IPO11: variants seen among roughly 807,000 people sequenced by gnomAD.
The protein encoded by IPO11 is importin 11.
IPO11 carries 66 observed loss-of-function variants against 143.2 expected under a neutral mutation model. The ratio of observed to expected loss-of-function variants is 0.46; its 90% CI spans 0.38 to 0.57. The LOEUF (loss-of-function observed/expected upper bound fraction) is 0.57, where lower values mean the gene tolerates loss of function less well. Ranked by LOEUF, IPO11 falls within the 20% of genes least tolerant of loss-of-function variation. The probability of loss-of-function intolerance (pLI) is 0.00; values close to 1 mark genes in which losing one functional copy is unlikely to be tolerated. For missense variants in IPO11, 1,026 were observed against 1,141.0 expected (o/e 0.90, Z 1.45); for synonymous variants, 385 against 377.8 (o/e 1.02, Z -0.22).
intron 19 of IPO11, among the ~76,000 whole-genome samples, chr5:62,514,709 C>T (rs1741944188): frequency 6.6e-6 from 1 of 152,198 alleles, no homozygotes; most frequent in Admixed American, 6.5e-5. Flanking sequence ...ATAGCAATCT[C>T]AAATACTGGA....
intron 29 of IPO11, among the ~76,000 whole-genome samples, chr5:62,621,798 A>G (rs1746387235): frequency 6.6e-6 from 1 of 152,218 alleles, no homozygotes; most frequent in South Asian, 2.1e-4. Flanking sequence ...TGATTTGAGG[A>G]ATCCTTTGGA....
At chr5:62,501,492 C>A (rs558234774) in intron 16 of IPO11, among the ~76,000 whole-genome samples, 1 of 152,222 alleles carries the variant, frequency 6.6e-6, no homozygotes, top group East Asian at 1.9e-4. Context: ...ATTAATTATA[C>A]ATGAAAATGA....
At chr5:62,426,893 T>TAAA in intron 1 of IPO11, among the ~76,000 whole-genome samples, 1 of 149,354 alleles carries the variant, frequency 6.7e-6, no homozygotes, top group East Asian at 1.9e-4. Flanking sequence ...TAGGCAGGTT[T>TAAA]AAACTTGTAG....
intron 1 of IPO11, among the ~76,000 whole-genome samples, chr5:62,434,885 C>T (rs1028753942): frequency 1.5e-4 from 22 of 151,030 alleles, no homozygotes; most frequent in South Asian, 2.1e-4. Flanking sequence ...ATTAGCTGGG[C>T]GTGGTGGCTC....
At chr5:62,464,143 G>GTTTTTTTTT (rs34056674) in intron 5 of IPO11, among the ~76,000 whole-genome samples, 13 of 78,680 alleles carry the variant, frequency 1.7e-4, no homozygotes, top group African/African-American at 6.3e-4. Context: ...GTTTTTGGTG[G>GTTTTTTTTT]TTTTTTTTTT....
At chr5:62,424,103 C>T (rs1743616174) in intron 1 of IPO11, among the ~76,000 whole-genome samples, 1 of 151,078 alleles carries the variant, frequency 6.6e-6, no homozygotes, top group African/African-American at 2.4e-5. Context: ...ACTGCAGCCT[C>T]AACCTCCTGG....
At position 62,515,515 on chromosome 5, in the gene IPO11, C is replaced by A. The variant is rs377524399; in HGVS notation, c.1896+14C>A. On this transcript the variant is annotated intron_variant, in intron 20 of 29. Transcript: ENST00000325324. ...CATCTTGTTCAGGTAAGTCACTTCT[C>A]CACAGAGTTTTTTTAGTTTAGTGGT... The A allele has an allele frequency of 2.0e-6, 3 of 1,527,466 alleles. No individual in the cohort carries two copies. The African/African-American group carries it at 4.2e-5, about 21-fold the overall frequency. The allele number at this position is 1,527,466 out of a possible 1,614,324, so 94.6% of individuals were successfully genotyped here.
Position 62,515,481 on chromosome 5 carries a change from A to T in IPO11, c.1876A>T (p.Thr626Ser), listed in dbSNP as rs763905125. The part of the protein sequence containing the change: ...HNMLRCAILT[T>S]LIHLVQGLGA... ...TATGTTGAGATGTGCTATTTTGACA[A>T]CACTTATTCATCTTGTTCAGGTAAG... The change falls in exon 20 of 30, where the codon ACA becomes TCA. Residue 626 changes from threonine (T) to serine (S), a missense_variant. Thr to Ser is a moderately conservative substitution (Grantham distance 58). Transcript: ENST00000325324. The T allele has an allele frequency of 6.2e-7, 1 of 1,604,088 alleles. No individual in the cohort carries two copies. The highest frequency in any genetic ancestry group is 1.1e-5 in the South Asian group (1 of 88,632).
Position 62,435,154 on chromosome 5 carries a change from A to ATATATATGTATATATATG in IPO11, c.-6-2094_-6-2077dup, listed in dbSNP as rs1415875923. The stretch of plus-strand genomic sequence containing the variant: ...TATATATGTATATATGTATATATGT[A>ATATATATGTATATATATG]TATATATGTATATATATGTATATAT... On this transcript the variant is annotated intron_variant, in intron 1 of 29. Coordinates refer to ENST00000325324, the MANE Select transcript of IPO11 (RefSeq NM_016338.5). Among the ~76,000 whole-genome samples the ATATATATGTATATATATG allele has an allele frequency of 1.4e-4, 9 of 62,706 alleles. 1 individual carries two copies. The highest frequency in any genetic ancestry group is 1.4e-3 in the South Asian group (3 of 2,184). The allele number at this position is 62,706 out of a possible 152,430, so 41.1% of individuals were successfully genotyped here.
At chr5:62,526,408 G>A (rs1046151709) in intron 21 of IPO11, 151 bp downstream of exon 21, 9 of 569,366 alleles carry the variant, frequency 1.6e-5, no homozygotes, top group Non-Finnish European at 2.5e-5. Context: ...TCCTTTTTTT[G>A]GCAGCTGTCA....
At position 62,610,470 on chromosome 5, in the gene IPO11, G is replaced by T. The variant is rs1745887677; in HGVS notation, c.2763+8622G>T. The stretch of plus-strand genomic sequence containing the variant: ...TTATCCATGTGTCTGTCTTTTGGTT[G>T]TCACTGGTTTGTTGTCACTTACGTG... On this transcript the variant is annotated intron_variant, in intron 29 of 29. Transcript: ENST00000325324. 2.0e-5 allele frequency among the ~76,000 whole-genome samples: 3 copies of T among 152,100 alleles called. No individual in the cohort carries two copies. The South Asian group carries it at 6.2e-4, about 32-fold the overall frequency.
rs114070168 is a variant in IPO11, at chr5:62,581,395, G to A, written c.2583-10182G>A. 6,877 of 983,774 alleles carry A rather than the reference G, an allele frequency of 7.0e-3. 28 individuals are homozygous for A. Among genetic ancestry groups the A allele is most frequent in the Middle Eastern group, 0.012 (37 of 3,022 alleles). The allele number at this position is 983,774 out of a possible 1,614,324, so 60.9% of individuals were successfully genotyped here. A position where few individuals can be genotyped will look rare whatever the true frequency, so the allele number is the denominator to read the frequency against. Reference sequence around the variant, plus strand: ...CTTATATAATTATATACTTTAGTTGGAAATATAATGAATTATATGAGGTTA... The same window carrying A: ...CTTATATAATTATATACTTTAGTTGAAAATATAATGAATTATATGAGGTTA... On this transcript the variant is annotated intron_variant, in intron 27 of 29. Coordinates refer to ENST00000325324, the MANE Select transcript of IPO11 (RefSeq NM_016338.5).
intron 1 of IPO11, among the ~76,000 whole-genome samples, chr5:62,419,287 A>C (rs539093737): frequency 9.2e-5 from 14 of 152,330 alleles, no homozygotes; most frequent in South Asian, 8.3e-4. Flanking sequence ...GTGGTGAGTG[A>C]AAGTGAAGGC....
At chr5:62,493,200 A>G (rs1741010677) in intron 15 of IPO11, among the ~76,000 whole-genome samples, 1 of 152,216 alleles carries the variant, frequency 6.6e-6, no homozygotes, top group Non-Finnish European at 1.5e-5. Flanking sequence ...CTTAGTTGAA[A>G]TCACAAAATT....
chr5:62,623,177 T>C (rs1234458947), intron 29 of IPO11, among the ~76,000 whole-genome samples: 1 of 152,218 alleles, frequency 6.6e-6, no homozygotes, highest in African/African-American at 2.4e-5. Flanking sequence ...CCAAAGATAA[T>C]TTAATTAAGG....
At chr5:62,423,017 G>A (rs1002911595) in intron 1 of IPO11, among the ~76,000 whole-genome samples, 1 of 152,078 alleles carries the variant, frequency 6.6e-6, no homozygotes, top group Admixed American at 6.6e-5. Flanking sequence ...ATTGGAGAGC[G>A]CAGGATTAGA....
chr5:62,578,171 C>G (rs2112397714), intron 27 of IPO11, among the ~76,000 whole-genome samples: 1 of 152,078 alleles, frequency 6.6e-6, no homozygotes, highest in Admixed American at 6.5e-5. Context: ...ATCTTATAAC[C>G]CAACACAACC....
chr5:62,428,822 G>A (rs1040656391), intron 1 of IPO11, among the ~76,000 whole-genome samples: 1 of 151,966 alleles, frequency 6.6e-6, no homozygotes, highest in South Asian at 2.1e-4. Context: ...ACTACTCCTG[G>A]CTAAACTTTT....
chr5:62,565,772 C>T (rs1487200722), intron 27 of IPO11, among the ~76,000 whole-genome samples: 1 of 151,888 alleles, frequency 6.6e-6, no homozygotes, highest in Admixed American at 6.6e-5. Context: ...TCAACCTCCC[C>T]TCCCTCACCC....
Sources: gnomAD v4.1 joint callset for allele counts (sites outside exome capture counted in the v4.1 genomes callset) on GRCh38, gnomAD v4.1.1 for gene constraint, MANE v1.5 for transcripts, NCBI Gene and HGNC (gene_info 2026-07-23, HGNC 2026-07-21) for gene names.